C4orf17: variants seen among roughly 807,000 people sequenced by gnomAD.
C4orf17 encodes the protein chromosome 4 open reading frame 17.
In C4orf17, 25 loss-of-function variants were observed where a neutral mutation model predicts 32.0. The ratio of observed to expected loss-of-function variants is 0.78; its 90% CI spans 0.57 to 1.09. The LOEUF (loss-of-function observed/expected upper bound fraction) is 1.09. C4orf17 is among the 50% of genes least tolerant of loss of function. C4orf17 has a pLI of 0.00. For synonymous variants in C4orf17, 149 were observed against 145.8 expected (o/e 1.02, Z -0.16); for missense variants, 420 against 420.0 (o/e 1.00, Z 0.00).
At chr4:99,522,420 G>A in intron 2 of C4orf17, 80 bp from the exon 3 acceptor site, 2 of 1,082,410 alleles carry the variant, frequency 1.8e-6, no homozygotes, top group Admixed American at 2.1e-5. Context: ...TTGGGAAATT[G>A]TTGATCATTC....
chr4:99,539,152 T>C lies in C4orf17; in HGVS notation c.629-11T>C. The C allele has an allele frequency of 6.2e-7, 1 of 1,613,166 alleles. No homozygotes were observed. The highest frequency in any genetic ancestry group is 8.5e-7 in the Non-Finnish European group (1 of 1,179,222). On this transcript the variant is annotated splice_polypyrimidine_tract_variant and intron_variant, in intron 6 of 8. Transcript: ENST00000326581. ...TTCACTCCTCCCACCCTTTTTTGTCTTTTAAACCAGAAAAAGAGTGGGTCT... is the reference window on the plus strand; with the variant it reads ...TTCACTCCTCCCACCCTTTTTTGTCCTTTAAACCAGAAAAAGAGTGGGTCT...
chr4:99,540,557 A>T, intron 8 of C4orf17, 102 bp downstream of exon 8: 1 of 725,266 alleles, frequency 1.4e-6, no homozygotes, highest in Non-Finnish European at 2.4e-6. Context: ...TTAAAAAAAC[A>T]GAAAAATACA....
intron 2 of C4orf17, among the ~76,000 whole-genome samples, chr4:99,518,162 T>G (rs1195721800): frequency 6.6e-6 from 1 of 152,108 alleles, no homozygotes; most frequent in Non-Finnish European, 1.5e-5. Flanking sequence ...ATGACTACTT[T>G]GCAATCTGTA....
At chr4:99,538,489 T>G (rs183631869) in intron 6 of C4orf17, among the ~76,000 whole-genome samples, 1 of 152,356 alleles carries the variant, frequency 6.6e-6, no homozygotes, top group East Asian at 1.9e-4. Context: ...AGTCTAATGT[T>G]TTAAAGTAGG....
At chr4:99,533,730 T>C (rs574443266) in intron 5 of C4orf17, among the ~76,000 whole-genome samples, 1 of 152,212 alleles carries the variant, frequency 6.6e-6, no homozygotes, top group Admixed American at 6.5e-5. Context: ...GGAGAGATAA[T>C]GGGAGGTATC....
In C4orf17 at chr4:99,513,098, C is replaced by G. The variant is rs779234908; in HGVS notation, c.17C>G (p.Pro6Arg). 3.7e-6 allele frequency: 6 copies of G among 1,613,638 alleles called. No homozygotes were observed. The East Asian group carries it at 1.1e-4, about 30-fold the overall frequency. Residue 6 changes from proline to arginine, a missense_variant, in exon 2 of 9, where the codon CCG becomes CGG. Transcript: ENST00000326581. MNLNP[P>R]TSALQIEGKG... ...ACCACAAACATGAACCTCAACCCCC[C>G]GACATCTGCTCTTCAGATCGAGGGC...
chr4:99,524,477 T>A, intron 3 of C4orf17, 44 bp from the exon 4 acceptor site: 5 of 1,204,542 alleles, frequency 4.2e-6, no homozygotes, highest in Non-Finnish European at 6.1e-6. Flanking sequence ...TATAAATTCT[T>A]TTTCAGTTTA....
chr4:99,524,810 G>A (rs995330740), intron 4 of C4orf17, among the ~76,000 whole-genome samples: 7 of 152,294 alleles, frequency 4.6e-5, no homozygotes, highest in South Asian at 2.1e-4. Flanking sequence ...GAGAATGCAC[G>A]TCCTCATCAC....
intron 2 of C4orf17, among the ~76,000 whole-genome samples, chr4:99,514,013 C>T (rs1723137491): frequency 6.6e-6 from 1 of 151,968 alleles, no homozygotes; most frequent in Non-Finnish European, 1.5e-5. Context: ...TGATACCACC[C>T]CCGACAAAGT....
intron 2 of C4orf17, among the ~76,000 whole-genome samples, chr4:99,516,574 A>T (rs1723184539): frequency 6.6e-6 from 1 of 152,228 alleles, no homozygotes; most frequent in African/African-American, 2.4e-5. Context: ...CCACTCTGTA[A>T]AATGACATTA....
rs61732380 is a variant in C4orf17, at chr4:99,522,627, C to A, written c.255C>A (p.Ser85=). 4 of 1,613,426 alleles carry A rather than the reference C, an allele frequency of 2.5e-6. No individual in the cohort carries two copies. Among genetic ancestry groups the A allele is most frequent in the African/African-American group, 1.3e-5 (1 of 74,916 alleles). Residue 85 remains serine, a synonymous_variant, in exon 3 of 9, where the codon TCC becomes TCA. Transcript: ENST00000326581. ...RIPFANCSYP[S]STAVQESPVR... ...CATTTGCCAATTGCAGTTACCCCTC[C>A]AGCACTGCAGTCCAGGAGAGCCCTG...
intron 2 of C4orf17, among the ~76,000 whole-genome samples, chr4:99,518,569 AGAGAGAGAGAGAG>A (rs1723233272): frequency 6.2e-5 from 8 of 129,776 alleles, no homozygotes; most frequent in African/African-American, 2.5e-4. Context: ...AGAGAGAGAG[AGAGAGAGAGAGAG>A]AGGGAGGGAG....
At chr4:99,540,584 C>A in intron 8 of C4orf17, 129 bp downstream of exon 8, 1 of 634,118 alleles carries the variant, frequency 1.6e-6, no homozygotes, top group Non-Finnish European at 2.8e-6. Flanking sequence ...ATTTCCAGAT[C>A]AATTCTTGAG....
chr4:99,525,759 T>C (rs1000064080), intron 4 of C4orf17, among the ~76,000 whole-genome samples: 1 of 151,466 alleles, frequency 6.6e-6, no homozygotes, highest in African/African-American at 2.4e-5. Context: ...ATGGTGCCAC[T>C]GCACTGCCGC....
At chr4:99,529,792 G>T (rs778119354) in intron 4 of C4orf17, 23 bp from the exon 5 acceptor site, 1 of 1,578,350 alleles carries the variant, frequency 6.3e-7, no homozygotes, top group East Asian at 2.3e-5. Context: ...ATGTATATTG[G>T]TTATATTATA....
intron 5 of C4orf17, among the ~76,000 whole-genome samples, chr4:99,535,014 T>A (rs529409375): frequency 6.6e-6 from 1 of 152,306 alleles, no homozygotes; most frequent in South Asian, 2.1e-4. Context: ...TGGCCAGATG[T>A]GAAATTCTGG....
At chr4:99,519,330 G>A (rs1159192092) in intron 2 of C4orf17, 1 of 152,292 alleles carries the variant, frequency 6.6e-6, no homozygotes, top group Non-Finnish European at 1.5e-5. Context: ...GTGGAGCTGG[G>A]GAGCTGAGAG....
Position 99,529,966 on chromosome 4 carries a change from T to C in C4orf17, c.546+8T>C. On this transcript the variant is annotated splice_region_variant and intron_variant, in intron 5 of 8. Coordinates refer to ENST00000326581, the MANE Select transcript of C4orf17 (RefSeq NM_032149.3). Reference sequence around the variant, plus strand: ...CTGGATCAGGAAATAAAAGTAAGTATCAGGTTTATCAAATCCATAACTTGG... The same window carrying C: ...CTGGATCAGGAAATAAAAGTAAGTACCAGGTTTATCAAATCCATAACTTGG... 1.2e-6 allele frequency: 2 copies of C among 1,600,664 alleles called. No homozygotes were observed. Among genetic ancestry groups the C allele is most frequent in the African/African-American group, 1.4e-5 (1 of 73,856 alleles).
At position 99,540,449 on chromosome 4, in the gene C4orf17, C is replaced by A; in HGVS notation, c.874C>A (p.Pro292Thr). The change falls in exon 8 of 9, where the codon CCA becomes ACA. Residue 292 changes from proline to threonine, a missense_variant. Pro to Thr is a conservative substitution (Grantham distance 38, BLOSUM62 -1). Transcript: ENST00000326581. ...AGGATCTGAAGAAAACAAGGAAGTA[C>A]CAAAAGGTTAAGTACAGTTTTTGGT... ...SQGSEENKEV[P>T]KEAEHKPPLL... The A allele has an allele frequency of 6.2e-7, 1 of 1,609,494 alleles. No individual in the cohort carries two copies. The highest frequency in any genetic ancestry group is 8.5e-7 in the Non-Finnish European group (1 of 1,176,630).
Sources: allele counts gnomAD v4.1 joint callset (sites outside exome capture counted in the v4.1 genomes callset), GRCh38; gene constraint gnomAD v4.1.1; transcripts MANE v1.5; gene names NCBI Gene and HGNC (gene_info 2026-07-23, HGNC 2026-07-21).